BICRA: variants seen among roughly 807,000 people sequenced by gnomAD.
BICRA encodes BRD4-interacting chromatin-remodeling complex-associated protein.
In BICRA, 31 loss-of-function variants were observed where a neutral mutation model predicts 96.9. The observed-to-expected ratio is 0.32, with a 90% CI of 0.24 to 0.43. The LOEUF (loss-of-function observed/expected upper bound fraction) is 0.43, where lower values mean the gene tolerates loss of function less well. Among genes scored for constraint, BICRA ranks in the 20% least tolerant of loss-of-function variants. The pLI, the probability that BICRA is intolerant of heterozygous loss-of-function variation, is 1.00. For missense variants in BICRA, 2,283 were observed against 2,190.3 expected, an observed-to-expected ratio of 1.04 and a Z score of -0.84; for synonymous variants, 1,350 against 1,071.8, an observed-to-expected ratio of 1.26 and a Z score of -5.07.
In BICRA at chr19:47,699,449, C is replaced by A; in HGVS notation, c.3595+44C>A. The A allele has an allele frequency of 9.0e-7, 1 of 1,107,114 alleles. No individual in the cohort carries two copies. The highest frequency in any genetic ancestry group is 1.3e-6 in the Non-Finnish European group (1 of 742,404). The allele number at this position is 1,107,114 out of a possible 1,614,324, so 68.6% of individuals were successfully genotyped here. A position where few individuals can be genotyped will look rare whatever the true frequency, so the allele number is the denominator to read the frequency against. On this transcript the variant is annotated intron_variant, in intron 14 of 14. Transcript: ENST00000594866. This position sits in a 1 kb window ranked among gnomAD's most constrained non-coding sequence, Gnocchi z 5.0. ...AGGGGAGGGGAGGGAGAGGTGCCCC[C>A]ACCCCACCTGGGCAGAAGAGTTAGA...
rs1196051427 is a variant in BICRA at position 47,679,910 on chromosome 19, C to G, written c.740C>G (p.Thr247Arg). ...GGCCAGCCCGTCATGGCGCTCAACACGCCCACCTCCCAGCTCCTGGCCAAG... is the reference window on the plus strand; with the variant it reads ...GGCCAGCCCGTCATGGCGCTCAACAGGCCCACCTCCCAGCTCCTGGCCAAG... ...VVGQPVMALN[T>R]PTSQLLAKQV... Residue 247 changes from threonine (T) to arginine (R), a missense_variant, in exon 6 of 15, where the codon ACG (threonine) becomes AGG (arginine). Thr to Arg is a moderately conservative substitution (Grantham distance 71). Transcript: ENST00000594866. 1.3e-6 allele frequency: 2 copies of G among 1,521,776 alleles called. No homozygotes were observed. Among genetic ancestry groups the G allele is most frequent in the Non-Finnish European group, 1.8e-6 (2 of 1,141,246 alleles). The allele number at this position is 1,521,776 out of a possible 1,614,324, so 94.3% of individuals were successfully genotyped here.
chr19:47,636,146 C>T (rs1418881149), intron 1 of BICRA, among the ~76,000 whole-genome samples: 3 of 152,164 alleles, frequency 2.0e-5, no homozygotes, highest in African/African-American at 7.2e-5. Context: ...TTTCAAAACT[C>T]CTACAAAATC....
rs1194095809 is a variant in BICRA at position 47,679,457 on chromosome 19, G to A, written c.287G>A (p.Gly96Asp). 1 of 1,514,158 alleles carries A rather than the reference G, an allele frequency of 6.6e-7. No individual in the cohort carries two copies. The highest frequency in any genetic ancestry group is 1.3e-5 in the South Asian group (1 of 78,800). The allele number at this position is 1,514,158 out of a possible 1,614,324, so 93.8% of individuals were successfully genotyped here. A position where few individuals can be genotyped will look rare whatever the true frequency, so the allele number is the denominator to read the frequency against. The stretch of plus-strand genomic sequence containing the variant: ...GGGGGCGGCGGCGGGGGCAGTGGGG[G>A]CGCTGACCAGCCCTGTGACATCCTC... Reference protein sequence around the residue: ...ATGGGGGGSGGADQPCDILQQ... With the variant: ...ATGGGGGGSGDADQPCDILQQ... The change falls in exon 6 of 15, where the codon GGC (glycine) becomes GAC (aspartate). Residue 96 changes from glycine (G) to aspartate (D), a missense_variant. Gly to Asp is a moderately conservative substitution (Grantham distance 94, BLOSUM62 -1). Coordinates refer to ENST00000594866, the MANE Select transcript of BICRA (RefSeq NM_001394372.1).
chr19:47,694,204 GCCCT>G lies in BICRA; in HGVS notation c.2377_2380del (p.Ser793HisfsTer48). 6.3e-6 allele frequency: 7 copies of G among 1,119,660 alleles called. No homozygotes were observed. Among genetic ancestry groups the G allele is most frequent in the South Asian group, 2.4e-5 (1 of 41,452 alleles). 69.4% of individuals were successfully genotyped at this position (1,119,660 alleles called of 1,614,324 possible). ...CCCCTCTGGGGGACAGCCCCCACCTGCCCTCCCCACACCCCACCCGGCCCCCTTC... is the reference window on the plus strand; with the variant it reads ...CCCCTCTGGGGGACAGCCCCCACCTGCCCCACACCCCACCCGGCCCCCTTC... On this transcript the variant is annotated frameshift_variant, in exon 8 of 15. Transcript: ENST00000594866. LOFTEE classifies it high-confidence loss of function.
chr19:47,685,858 ATCTG>A (rs1295409387), intron 7 of BICRA, among the ~76,000 whole-genome samples: 4 of 151,348 alleles, frequency 2.6e-5, no homozygotes, highest in African/African-American at 9.7e-5. Flanking sequence ...TGTGTTCTGC[ATCTG>A]GCTTTGCTTA....
rs199891416 is a variant in BICRA at position 47,694,504 on chromosome 19, C to A, written c.2673C>A (p.Ser891=). Reference sequence around the variant, plus strand: ...CCACCTCCTCTGCTGTGGCCTCCTCCTCTGAGACGTCCTCCAGGTTGCCAG... The same window carrying A: ...CCACCTCCTCTGCTGTGGCCTCCTCATCTGAGACGTCCTCCAGGTTGCCAG... ...PSSTSSAVAS[S]SETSSRLPAP... is the part of the protein sequence containing the mutation. The change falls in exon 8 of 15, where the codon TCC becomes TCA. Residue 891 remains serine (S), a synonymous_variant. Coordinates refer to ENST00000594866, the MANE Select transcript of BICRA (RefSeq NM_001394372.1). 109 of 1,601,630 alleles carry A rather than the reference C, an allele frequency of 6.8e-5. No homozygotes were observed. In the East Asian group the frequency reaches 2.3e-3, roughly 34 times the overall value.
At chr19:47,681,537 GCAGA>G (rs577254944) in intron 6 of BICRA, among the ~76,000 whole-genome samples, 165 of 152,264 alleles carry the variant, frequency 1.1e-3, no homozygotes, top group African/African-American at 3.1e-3. Flanking sequence ...AGAGGGACTG[GCAGA>G]CAGACAGACA....
At chr19:47,681,306 C>T (rs1291612404) in intron 6 of BICRA, 30 bp downstream of exon 6, 2 of 1,536,092 alleles carry the variant, frequency 1.3e-6, no homozygotes, top group Non-Finnish European at 1.7e-6. Flanking sequence ...GGAGCAGGTA[C>T]CGGAGGAGGC....
chr19:47,666,297 C>CT lies in BICRA; in HGVS notation c.-107-4135dup, dbSNP rs5828310. Among the ~76,000 whole-genome samples the CT allele has an allele frequency of 8.1e-5, 12 of 147,604 alleles. 1 individual carries two copies. In the South Asian group the frequency reaches 1.1e-3, roughly 13 times the overall value. ...TTCTTTTTTTCTTTTTCTTTTTCTT[C>CT]TTTTTTTTTTTGAGCTCTGTCATCC... On this transcript the variant is annotated intron_variant, in intron 1 of 14. Transcript: ENST00000594866.
In BICRA at chr19:47,695,125, G is replaced by A. The variant is rs184970470; in HGVS notation, c.3076+45G>A. 1.1e-3 allele frequency: 1,406 copies of A among 1,269,352 alleles called. 24 individuals carry two copies. The East Asian group carries it at 0.031, about 28-fold the overall frequency. 78.6% of individuals were successfully genotyped at this position (1,269,352 alleles called of 1,614,324 possible). A position where few individuals can be genotyped will look rare whatever the true frequency, so the allele number is the denominator to read the frequency against. On this transcript the variant is annotated intron_variant, in intron 9 of 14. Transcript: ENST00000594866. Reference sequence around the variant, plus strand: ...TGTGCCCAGGGAGACGGGGCCTGAAGATGGGTGGGCGGGGCTGAGCAGGGA... The same window carrying A: ...TGTGCCCAGGGAGACGGGGCCTGAAAATGGGTGGGCGGGGCTGAGCAGGGA...
intron 1 of BICRA, among the ~76,000 whole-genome samples, chr19:47,630,195 C>G (rs2123521702): frequency 7.5e-6 from 1 of 132,900 alleles, no homozygotes; most frequent in African/African-American, 2.8e-5. Flanking sequence ...GAGTCTCACT[C>G]TGTCGCCTAG....
At chr19:47,659,255 A>G (rs531045937) in intron 1 of BICRA, among the ~76,000 whole-genome samples, 6 of 152,358 alleles carry the variant, frequency 3.9e-5, no homozygotes, top group Admixed American at 6.5e-5. Context: ...AACTAATTCA[A>G]TGATTTTAGA....
Sources: gnomAD v4.1 joint callset for allele counts (sites outside exome capture counted in the v4.1 genomes callset) on GRCh38, gnomAD v4.1.1 for gene constraint, Gnocchi (gnomAD v3.1) non-coding constraint, MANE v1.5 for transcripts, NCBI Gene and HGNC (gene_info 2026-07-23, HGNC 2026-07-21) for gene names.